Variants in KRAS observed in about 807,000 individuals in gnomAD.
KRAS encodes KRas proto-oncogene, GTPase.
KRAS carries 1 observed loss-of-function variant against 21.0 expected under a neutral mutation model. The observed-to-expected ratio is 0.05, with a 90% CI of 0.02 to 0.23. The LOEUF is 0.23. Ranked by LOEUF, KRAS falls within the 10% of genes least tolerant of loss-of-function variation. The probability of loss-of-function intolerance (pLI) is 1.00; values close to 1 mark genes in which losing one functional copy is unlikely to be tolerated. For synonymous variants in KRAS, 67 were observed against 72.5 expected, an observed-to-expected ratio of 0.92 and a Z score of 0.39; for missense variants, 107 against 221.8, an observed-to-expected ratio of 0.48 and a Z score of 3.29.
chr12:25,217,856 T>C (rs1211287783), intron 4 of KRAS, among the ~76,000 whole-genome samples: 1 of 152,208 alleles, frequency 6.6e-6, no homozygotes, highest in Non-Finnish European at 1.5e-5. Context: ...ACTGCACCAC[T>C]GCACTTCAGT....
chr12:25,221,877 G>A (rs1033204279), intron 4 of KRAS, among the ~76,000 whole-genome samples: 8 of 152,088 alleles, frequency 5.3e-5, no homozygotes, highest in African/African-American at 1.4e-4. Context: ...AGGGCCAGGC[G>A]CGGTGGCTCA....
chr12:25,240,367 C>CA (rs1951595737), intron 2 of KRAS, among the ~76,000 whole-genome samples: 1 of 152,158 alleles, frequency 6.6e-6, no homozygotes, highest in African/African-American at 2.4e-5. Context: ...ACTGCATCTA[C>CA]AGATTCAACC....
At chr12:25,236,549 G>T (rs966226970) in intron 2 of KRAS, among the ~76,000 whole-genome samples, 1 of 151,670 alleles carries the variant, frequency 6.6e-6, no homozygotes. Context: ...CACCTAATTA[G>T]TTCTCTGTGC....
chr12:25,240,838 T>G (rs1485338988), intron 2 of KRAS, among the ~76,000 whole-genome samples: 1 of 151,786 alleles, frequency 6.6e-6, no homozygotes, highest in Non-Finnish European at 1.5e-5. Flanking sequence ...AAATACTTAT[T>G]CTTAATTTGA....
At chr12:25,245,443 C>T (rs1951665531) in intron 1 of KRAS, 48 bp from the exon 2 acceptor site, 1 of 1,529,902 alleles carries the variant, frequency 6.5e-7, no homozygotes, top group Non-Finnish European at 8.9e-7. Context: ...ACATGTCACA[C>T]ATAAGGTTAA....
intron 2 of KRAS, among the ~76,000 whole-genome samples, chr12:25,240,150 T>A (rs1222574713): frequency 6.6e-6 from 1 of 152,144 alleles, no homozygotes; most frequent in Non-Finnish European, 1.5e-5. Flanking sequence ...AGCCACCATA[T>A]CTGGCTTATT....
intron 4 of KRAS, among the ~76,000 whole-genome samples, chr12:25,217,015 C>A (rs1951262906): frequency 6.6e-6 from 1 of 151,962 alleles, no homozygotes; most frequent in Non-Finnish European, 1.5e-5. Context: ...AATAAATTAC[C>A]TAATTTGGGG....
intron 4 of KRAS, chr12:25,215,154 G>T: frequency 6.9e-6 from 3 of 432,542 alleles, no homozygotes; most frequent in Non-Finnish European, 8.9e-6. Flanking sequence ...TAAAAATAAA[G>T]GTAAATATCA....
chr12:25,241,251 T>C (rs1951606403), intron 2 of KRAS, among the ~76,000 whole-genome samples: 1 of 152,178 alleles, frequency 6.6e-6, no homozygotes, highest in African/African-American at 2.4e-5. Flanking sequence ...ATCAATCATA[T>C]AAGACTTTTA....
At chr12:25,223,257 A>G (rs908119430) in intron 4 of KRAS, among the ~76,000 whole-genome samples, 22 of 152,204 alleles carry the variant, frequency 1.4e-4, no homozygotes, top group African/African-American at 4.8e-4. Flanking sequence ...TCTAGGTAGT[A>G]TATTTGCAAA....
chr12:25,232,511 C>A (rs1951487244), intron 2 of KRAS, among the ~76,000 whole-genome samples: 1 of 152,056 alleles, frequency 6.6e-6, no homozygotes, highest in South Asian at 2.1e-4. Flanking sequence ...TTTTAAAACA[C>A]AGAGATTCTG....
At chr12:25,222,800 G>A (rs759636839) in intron 4 of KRAS, among the ~76,000 whole-genome samples, 8 of 152,142 alleles carry the variant, frequency 5.3e-5, no homozygotes, top group African/African-American at 1.9e-4. Context: ...AAGTATTAAG[G>A]TCAAATAGCA....
At chr12:25,249,176 C>G (rs1951729122) in intron 1 of KRAS, among the ~76,000 whole-genome samples, 1 of 152,158 alleles carries the variant, frequency 6.6e-6, no homozygotes, top group Non-Finnish European at 1.5e-5. Flanking sequence ...GCGGGCAGAT[C>G]ACGAGGTCAG....
intron 2 of KRAS, among the ~76,000 whole-genome samples, chr12:25,239,646 T>G (rs552962037): frequency 4.6e-5 from 7 of 152,318 alleles, no homozygotes; most frequent in African/African-American, 1.4e-4. Flanking sequence ...GAAAAATAGT[T>G]AACTCTTGAT....
intron 4 of KRAS, among the ~76,000 whole-genome samples, chr12:25,221,916 C>A (rs963954174): frequency 6.6e-6 from 1 of 151,956 alleles, no homozygotes; most frequent in Non-Finnish European, 1.5e-5. Flanking sequence ...TTTGGGAGGC[C>A]GAGGCAGGTG....
At chr12:25,246,306 C>T (rs909675849) in intron 1 of KRAS, among the ~76,000 whole-genome samples, 1 of 152,162 alleles carries the variant, frequency 6.6e-6, no homozygotes, top group Non-Finnish European at 1.5e-5. Flanking sequence ...GCCTGTAATC[C>T]CAGCACTTTC....
In KRAS at chr12:25,207,244, G is replaced by C. The variant is rs1951148473; in HGVS notation, c.*2551C>G. On this transcript the variant is annotated 3_prime_UTR_variant, in exon 5 of 5. Coordinates refer to ENST00000311936, the MANE Select transcript of KRAS (RefSeq NM_004985.5). ...GGTAGGCACTCAATAAATATTTGCT[G>C]AATAAATGAGTTCTGCAAAACAGGT... 1 of 203,346 alleles carries C rather than the reference G, an allele frequency of 4.9e-6. No individual in the cohort carries two copies. Among genetic ancestry groups the C allele is most frequent in the Non-Finnish European group, 1.0e-5 (1 of 99,162 alleles). 12.6% of individuals were successfully genotyped at this position (203,346 alleles called of 1,614,324 possible).
At chr12:25,225,426 A>G (rs1433027400) in intron 4 of KRAS, 188 bp downstream of exon 4, 2 of 536,716 alleles carry the variant, frequency 3.7e-6, no homozygotes, top group East Asian at 6.5e-5. Context: ...GTAGAAAGAA[A>G]CCAAAGCCAA....
At chr12:25,217,171 G>A (rs982300826) in intron 4 of KRAS, among the ~76,000 whole-genome samples, 22 of 152,110 alleles carry the variant, frequency 1.4e-4, no homozygotes, top group African/African-American at 5.1e-4. Flanking sequence ...ACAGAGAATT[G>A]GCAACTAAGT....
Sources: allele counts gnomAD v4.1 joint callset (sites outside exome capture counted in the v4.1 genomes callset), GRCh38; gene constraint gnomAD v4.1.1; transcripts MANE v1.5; gene names NCBI Gene and HGNC (gene_info 2026-07-23, HGNC 2026-07-21).